The following FAM114A2 variants were observed in gnomAD, a reference collection of about 807,000 sequenced individuals.
FAM114A2 encodes the protein family with sequence similarity 114 member A2.
Under a neutral mutation model 58.4 loss-of-function variants are expected in FAM114A2, and 53 were observed. That is an observed-to-expected ratio of 0.91 (90% CI 0.73 to 1.14). FAM114A2 has a LOEUF of 1.14. Ranked by LOEUF, FAM114A2 falls within the 50% of genes most tolerant of loss-of-function variation. FAM114A2 has a pLI of 0.00. For synonymous variants in FAM114A2, 228 were observed against 211.4 expected, an observed-to-expected ratio of 1.08 and a Z score of -0.68; for missense variants, 601 against 581.1, an observed-to-expected ratio of 1.03 and a Z score of -0.35.
chr5:154,024,974 T>C (rs1771680538), intron 8 of FAM114A2, among the ~76,000 whole-genome samples: 2 of 152,220 alleles, frequency 1.3e-5, no homozygotes, highest in Non-Finnish European at 2.9e-5. Context: ...TAAATTTTTA[T>C]CATGACTCAC....
chr5:154,026,582 A>T, intron 7 of FAM114A2, 60 bp from the exon 8 acceptor site: 1 of 1,187,100 alleles, frequency 8.4e-7, no homozygotes, highest in Non-Finnish European at 1.1e-6. Flanking sequence ...AACATTCACA[A>T]ATAGGGAAGA....
At chr5:154,032,243 G>GT (rs1772251543) in intron 4 of FAM114A2, among the ~76,000 whole-genome samples, 8 of 152,174 alleles carry the variant, frequency 5.3e-5, no homozygotes. Flanking sequence ...AAGGTAGATT[G>GT]TTTCTGTGGT....
At chr5:154,011,215 A>G (rs768462245) in intron 9 of FAM114A2, 26 bp downstream of exon 9, 1 of 1,535,228 alleles carries the variant, frequency 6.5e-7, no homozygotes, top group East Asian at 2.3e-5. Flanking sequence ...TAAAATAATG[A>G]AAATCACCAA....
rs1772336895 is a variant in FAM114A2, at chr5:154,033,663, A to C, written c.403+128T>G. On this transcript the variant is annotated intron_variant, in intron 4 of 13. Transcript: ENST00000351797. ...TCTAATTGGGAACTAAAGATTCTAA[A>C]TACTCTTTCTCACTACAGTCCCACG... 4.5e-5 allele frequency: 27 copies of C among 599,654 alleles called. No individual in the cohort carries two copies. In the South Asian group the frequency reaches 6.4e-4, roughly 14 times the overall value. The allele number at this position is 599,654 out of a possible 1,614,324, so 37.1% of individuals were successfully genotyped here. A position where few individuals can be genotyped will look rare whatever the true frequency, so the allele number is the denominator to read the frequency against.
At chr5:154,032,982 G>A (rs1772300196) in intron 4 of FAM114A2, among the ~76,000 whole-genome samples, 1 of 152,308 alleles carries the variant, frequency 6.6e-6, no homozygotes, top group African/African-American at 2.4e-5. Flanking sequence ...CACATCCATA[G>A]TCCTTTGCAG....
intron 4 of FAM114A2, among the ~76,000 whole-genome samples, chr5:154,033,145 G>GA (rs1224330553): frequency 9.9e-5 from 15 of 152,134 alleles, no homozygotes; most frequent in African/African-American, 3.4e-4. Context: ...AATAAGCAGC[G>GA]AAAGTCAGTC....
At chr5:154,002,447 C>T (rs1166511345) in intron 10 of FAM114A2, 57 bp from the exon 11 acceptor site, 1 of 1,556,088 alleles carries the variant, frequency 6.4e-7, no homozygotes, top group Non-Finnish European at 8.8e-7. Context: ...GGAAAGATAC[C>T]ACCTTACTTC....
intron 11 of FAM114A2, among the ~76,000 whole-genome samples, chr5:153,999,743 T>C (rs549647788): frequency 6.6e-6 from 1 of 152,090 alleles, no homozygotes; most frequent in Non-Finnish European, 1.5e-5. Context: ...ATGAAGATTT[T>C]TCAAAAAATA....
rs1230522955 is a variant in FAM114A2, at chr5:154,002,331, T to C, written c.1176A>G (p.Leu392=). Residue 392 remains leucine (L), a synonymous_variant, in exon 11 of 14, where the codon CTA becomes CTG. Transcript: ENST00000351797. ...LAELTACSIE[L]FHKTAALVLH... is the part of the protein sequence containing the mutation. Reference sequence around the variant, plus strand: ...GAACCAATGCAGCTGTTTTGTGGAATAGTTCAATTGAGCAGGCAGTCAGTT... The same window carrying C: ...GAACCAATGCAGCTGTTTTGTGGAACAGTTCAATTGAGCAGGCAGTCAGTT... 4 of 1,614,116 alleles carry C rather than the reference T, an allele frequency of 2.5e-6. No homozygotes were observed. The highest frequency in any genetic ancestry group is 1.7e-6 in the Non-Finnish European group (2 of 1,179,928).
In FAM114A2 at chr5:154,034,930, C is replaced by T; in HGVS notation, c.24G>A (p.Glu8=). MSDKDDI[E]TPLLTEAAPI... is the part of the protein sequence containing the mutation. The stretch of plus-strand genomic sequence containing the variant: ...GGGCTGCTTCAGTTAGCAGTGGAGT[C>T]TCAATATCATCTTTATCTGACATGA... Residue 8 remains glutamate, a synonymous_variant, in exon 2 of 14, where the codon GAG becomes GAA. Coordinates refer to ENST00000351797, the MANE Select transcript of FAM114A2 (RefSeq NM_018691.4). 3 of 1,613,728 alleles carry T rather than the reference C, an allele frequency of 1.9e-6. No homozygotes were observed. The East Asian group carries it at 6.7e-5, about 36-fold the overall frequency.
At chr5:154,024,231 T>C (rs1197312814) in intron 8 of FAM114A2, among the ~76,000 whole-genome samples, 1 of 152,206 alleles carries the variant, frequency 6.6e-6, no homozygotes, top group African/African-American at 2.4e-5. Flanking sequence ...CAGGACCTTG[T>C]TCTTGTAAAA....
At chr5:153,998,579 C>T (rs1349047797) in intron 11 of FAM114A2, among the ~76,000 whole-genome samples, 1 of 152,200 alleles carries the variant, frequency 6.6e-6, no homozygotes, top group African/African-American at 2.4e-5. Context: ...TGCTTCTTTA[C>T]CATGTTGTGG....
intron 9 of FAM114A2, among the ~76,000 whole-genome samples, chr5:154,008,267 G>C (rs1770473725): frequency 6.6e-6 from 1 of 152,112 alleles, no homozygotes; most frequent in Non-Finnish European, 1.5e-5. Flanking sequence ...TGGAAGGGGA[G>C]TGGGATGGAG....
chr5:154,000,373 A>G (rs1364754185), intron 11 of FAM114A2, among the ~76,000 whole-genome samples: 1 of 152,238 alleles, frequency 6.6e-6, no homozygotes, highest in East Asian at 1.9e-4. Context: ...ACCAACATAT[A>G]GACATAATAA....
chr5:154,019,678 A>G (rs1056421041), intron 8 of FAM114A2, among the ~76,000 whole-genome samples: 1 of 152,228 alleles, frequency 6.6e-6, no homozygotes, highest in African/African-American at 2.4e-5. Context: ...TTAGTATAAA[A>G]ACAGGCACGT....
In FAM114A2 at chr5:153,991,447, C is replaced by G. The variant is rs1769243614; in HGVS notation, c.*1529G>C. On this transcript the variant is annotated 3_prime_UTR_variant, in exon 14 of 14. Transcript: ENST00000351797. ...ACCAGCCTTTGTAACCAGAAGGCAA[C>G]TGTTTTTCTGAAACTTCAGAAATAT... The G allele has an allele frequency of 6.6e-6, 1 of 152,148 alleles. No homozygotes were observed. Among genetic ancestry groups the G allele is most frequent in the Admixed American group, 6.5e-5 (1 of 15,278 alleles). The allele number at this position is 152,148 out of a possible 1,614,324, so 9.4% of individuals were successfully genotyped here. A position where few individuals can be genotyped will look rare whatever the true frequency, so the allele number is the denominator to read the frequency against.
intron 11 of FAM114A2, among the ~76,000 whole-genome samples, chr5:153,998,988 A>G (rs1238977963): frequency 6.6e-6 from 1 of 152,240 alleles, no homozygotes; most frequent in Non-Finnish European, 1.5e-5. Flanking sequence ...TGAATTTTCT[A>G]TCCGTAAAAC....
intron 9 of FAM114A2, among the ~76,000 whole-genome samples, chr5:154,008,599 TAAGGTA>T (rs1358984301): frequency 6.6e-6 from 1 of 152,146 alleles, no homozygotes; most frequent in Non-Finnish European, 1.5e-5. Flanking sequence ...ACTATGTGTA[TAAGGTA>T]TACATGAATA....
chr5:154,038,600 C>T (rs1347617262), intron 1 of FAM114A2: 1 of 152,252 alleles, frequency 6.6e-6, no homozygotes, highest in East Asian at 1.9e-4. Flanking sequence ...CACTTCTTCC[C>T]ACATTCAAGA....
Sources: gnomAD v4.1 joint callset for allele counts (sites outside exome capture counted in the v4.1 genomes callset) on GRCh38, gnomAD v4.1.1 for gene constraint, MANE v1.5 for transcripts, NCBI Gene and HGNC (gene_info 2026-07-23, HGNC 2026-07-21) for gene names.